Variants in ARHGAP42 observed in about 807,000 individuals in gnomAD.
The protein encoded by ARHGAP42 is rho GTPase-activating protein 42.
Under a neutral mutation model 125.0 loss-of-function variants are expected in ARHGAP42, and 63 were observed. That is an observed-to-expected ratio of 0.50 (90% CI 0.41 to 0.62). The LOEUF (loss-of-function observed/expected upper bound fraction) is 0.62, where lower values mean the gene tolerates loss of function less well. Ranked by LOEUF, ARHGAP42 falls within the 20% of genes least tolerant of loss-of-function variation. ARHGAP42 has a pLI of 0.00. For synonymous variants in ARHGAP42, 339 were observed against 351.0 expected (o/e 0.97, Z 0.38); for missense variants, 766 against 1,024.2 (o/e 0.75, Z 3.44).
intron 1 of ARHGAP42, among the ~76,000 whole-genome samples, chr11:100,700,163 A>G (rs1005282331): frequency 6.6e-6 from 1 of 152,234 alleles, no homozygotes; most frequent in African/African-American, 2.4e-5. Flanking sequence ...TACACTATAC[A>G]TAGTCTATTA....
chr11:100,737,615 G>A (rs975207388), intron 1 of ARHGAP42, among the ~76,000 whole-genome samples: 2 of 152,132 alleles, frequency 1.3e-5, no homozygotes, highest in Admixed American at 6.5e-5. Flanking sequence ...ATGAGATAGA[G>A]GTGTCTTGGT....
At chr11:100,719,034 A>G (rs1157399222) in intron 1 of ARHGAP42, among the ~76,000 whole-genome samples, 1 of 152,234 alleles carries the variant, frequency 6.6e-6, no homozygotes, top group Admixed American at 6.5e-5. Context: ...TCCTTAATAG[A>G]TTGGAAGAAC....
At chr11:100,972,944 T>A (rs1375347214) in intron 17 of ARHGAP42, among the ~76,000 whole-genome samples, 1 of 152,206 alleles carries the variant, frequency 6.6e-6, no homozygotes, top group Non-Finnish European at 1.5e-5. Context: ...TAGGGGTTTT[T>A]TTCTTTAATA....
At chr11:100,748,618 C>T (rs576298805) in intron 1 of ARHGAP42, among the ~76,000 whole-genome samples, 6 of 143,534 alleles carry the variant, frequency 4.2e-5, no homozygotes, top group Non-Finnish European at 9.6e-5. Flanking sequence ...GGTGTGCTCA[C>T]AATGAGGTTT....
rs1400170295 is a variant in ARHGAP42, at chr11:100,989,712, C to G, written c.*911C>G. 1 of 152,172 alleles carries G rather than the reference C, an allele frequency of 6.6e-6. No homozygotes were observed. The highest frequency in any genetic ancestry group is 1.5e-5 in the Non-Finnish European group (1 of 68,020). The allele number at this position is 152,172 out of a possible 1,614,324, so 9.4% of individuals were successfully genotyped here. On this transcript the variant is annotated 3_prime_UTR_variant, in exon 24 of 24. Transcript: ENST00000298815. ...TGGGGAAACTGTAAAACTACAGTAT[C>G]AAGGCATACAACTTAAATTCCACTT...
chr11:100,945,885 C>T (rs906620900), intron 10 of ARHGAP42, among the ~76,000 whole-genome samples: 1 of 152,058 alleles, frequency 6.6e-6, no homozygotes, highest in African/African-American at 2.4e-5. Context: ...TAACCTCTAA[C>T]AAGAGTCAGC....
chr11:100,910,049 A>G (rs1866867197), intron 4 of ARHGAP42, among the ~76,000 whole-genome samples: 2 of 152,212 alleles, frequency 1.3e-5, no homozygotes, highest in Non-Finnish European at 2.9e-5. Context: ...TAATAACGTG[A>G]GCACTATACC....
intron 1 of ARHGAP42, among the ~76,000 whole-genome samples, chr11:100,722,213 AC>A (rs917784982): frequency 3.3e-5 from 5 of 152,122 alleles, no homozygotes; most frequent in Non-Finnish European, 7.4e-5. Context: ...GAGCATCTTT[AC>A]ATTCGCTGTT....
chr11:100,925,562 A>T (rs1867396543), intron 6 of ARHGAP42, among the ~76,000 whole-genome samples: 1 of 151,822 alleles, frequency 6.6e-6, no homozygotes, highest in Admixed American at 6.6e-5. Context: ...ACATGGTGAA[A>T]CCTCATCTCT....
At chr11:100,964,024 T>C (rs2135303858) in intron 16 of ARHGAP42, among the ~76,000 whole-genome samples, 1 of 151,952 alleles carries the variant, frequency 6.6e-6, no homozygotes, top group South Asian at 2.1e-4. Context: ...ATGACTATGA[T>C]ATTTAAAATA....
chr11:100,912,423 C>G (rs1051908743), intron 4 of ARHGAP42, among the ~76,000 whole-genome samples: 6 of 151,998 alleles, frequency 3.9e-5, no homozygotes, highest in Non-Finnish European at 5.9e-5. Flanking sequence ...TCCAGAATCT[C>G]TGGAAGGAGA....
intron 3 of ARHGAP42, among the ~76,000 whole-genome samples, chr11:100,836,617 G>A (rs2018159): frequency 0.17 from 26,126 of 151,108 alleles, 3,075 homozygotes; most frequent in South Asian, 0.43. Context: ...CTGTAAAATT[G>A]TTCATGTATC....
Position 100,980,559 on chromosome 11 carries a change from C to CTTTTTTTTTTTTTT in ARHGAP42, c.2456+1527_2456+1540dup, listed in dbSNP as rs763302463. Among the ~76,000 whole-genome samples, 81 of 51,944 alleles carry CTTTTTTTTTTTTTT rather than the reference C, an allele frequency of 1.6e-3. 4 individuals are homozygous for CTTTTTTTTTTTTTT. Among genetic ancestry groups the CTTTTTTTTTTTTTT allele is most frequent in the Middle Eastern group, 0.019 (1 of 52 alleles). 34.1% of individuals were successfully genotyped at this position (51,944 alleles called of 152,430 possible). A position where few individuals can be genotyped will look rare whatever the true frequency, so the allele number is the denominator to read the frequency against. On this transcript the variant is annotated intron_variant, in intron 22 of 23. Coordinates refer to ENST00000298815, the MANE Select transcript of ARHGAP42 (RefSeq NM_152432.4). ...TCAAATCATACTTCTTTTTCTTCTT[C>CTTTTTTTTTTTTTT]TTTTTTTTTTTTTTTTTTTTTTTTT...
At chr11:100,872,824 C>G (rs934390204) in intron 4 of ARHGAP42, among the ~76,000 whole-genome samples, 1 of 152,248 alleles carries the variant, frequency 6.6e-6, no homozygotes, top group African/African-American at 2.4e-5. Context: ...ACATTCGATT[C>G]AATGGTGTTG....
At chr11:100,749,937 G>T (rs987447347) in intron 1 of ARHGAP42, among the ~76,000 whole-genome samples, 2 of 152,166 alleles carry the variant, frequency 1.3e-5, no homozygotes, top group South Asian at 2.1e-4. Context: ...GATCCTTTAA[G>T]CTAGGTTGCT....
chr11:100,842,621 G>A (rs1042933490), intron 3 of ARHGAP42, among the ~76,000 whole-genome samples: 4 of 152,016 alleles, frequency 2.6e-5, no homozygotes, highest in African/African-American at 9.7e-5. Context: ...AGGCCAAACA[G>A]TGTGGTAATG....
At chr11:100,909,085 C>G (rs1183050587) in intron 4 of ARHGAP42, among the ~76,000 whole-genome samples, 1 of 151,904 alleles carries the variant, frequency 6.6e-6, no homozygotes, top group African/African-American at 2.4e-5. Flanking sequence ...GGTTATTTGT[C>G]TTTTTATTGT....
chr11:100,882,513 T>A (rs542734602), intron 4 of ARHGAP42, among the ~76,000 whole-genome samples: 1 of 151,922 alleles, frequency 6.6e-6, no homozygotes, highest in Non-Finnish European at 1.5e-5. Context: ...TTTTTTTTTT[T>A]AACAATTTTC....
intron 3 of ARHGAP42, among the ~76,000 whole-genome samples, chr11:100,844,441 A>G (rs1276871189): frequency 6.7e-6 from 1 of 149,456 alleles, no homozygotes; most frequent in Non-Finnish European, 1.5e-5. Context: ...ACAAAGATAA[A>G]TAGCTGGGAC....
Sources: allele counts gnomAD v4.1 joint callset (sites outside exome capture counted in the v4.1 genomes callset), GRCh38; gene constraint gnomAD v4.1.1; transcripts MANE v1.5; gene names NCBI Gene and HGNC (gene_info 2026-07-23, HGNC 2026-07-21).